PCDHA8: variants seen among roughly 807,000 people sequenced by gnomAD.
The protein encoded by PCDHA8 is protocadherin alpha-8.
PCDHA8 carries 53 observed loss-of-function variants against 61.8 expected under a neutral mutation model. The observed-to-expected ratio is 0.86, with a 90% CI of 0.69 to 1.08. The LOEUF (loss-of-function observed/expected upper bound fraction) is 1.08. Among genes scored for constraint, PCDHA8 ranks in the 50% least tolerant of loss-of-function variants. The pLI is 0.00. For missense variants in PCDHA8, 1,293 were observed against 1,245.0 expected (o/e 1.04, Z -0.58); for synonymous variants, 618 against 556.6 (o/e 1.11, Z -1.55).
In PCDHA8 at chr5:140,850,228, G is replaced by A. The variant is rs199589192; in HGVS notation, c.2394+6513G>A. 517 of 1,593,874 alleles carry A rather than the reference G, an allele frequency of 3.2e-4. 25 individuals are homozygous for A. In the South Asian group the frequency reaches 5.4e-3, roughly 17 times the overall value. On this transcript the variant is annotated intron_variant, in intron 1 of 3. Coordinates refer to ENST00000531613, the MANE Select transcript of PCDHA8 (RefSeq NM_018911.3). ...ATGAGGGGCACTGACGGCGCAGTGA[G>A]CGAGATGGTGCTGCGGTCGGTGGGC...
chr5:140,884,688 CTTA>C (rs782481361), intron 1 of PCDHA8: 8 of 1,535,868 alleles, frequency 5.2e-6, no homozygotes, highest in Non-Finnish European at 8.8e-7. Flanking sequence ...AAAAAATTGT[CTTA>C]GTAAACACTT....
intron 1 of PCDHA8, among the ~76,000 whole-genome samples, chr5:140,952,915 G>GGCATGA (rs2094816103): frequency 6.6e-6 from 1 of 151,986 alleles, no homozygotes; most frequent in African/African-American, 2.4e-5. Flanking sequence ...CATCTTACAT[G>GGCATGA]GCATGAGCAG....
chr5:140,882,717 C>G (rs1311295002), intron 1 of PCDHA8: 1 of 1,614,102 alleles, frequency 6.2e-7, no homozygotes, highest in South Asian at 1.1e-5. Flanking sequence ...CCTCCGGAAA[C>G]TCGATTTCCA....
At position 140,947,028 on chromosome 5, in the gene PCDHA8, T is replaced by C. The variant is rs111523441; in HGVS notation, c.2395-31921T>C. Among the ~76,000 whole-genome samples the C allele has an allele frequency of 4.6e-3, 693 of 151,852 alleles. 1 individual carries two copies. Among genetic ancestry groups the C allele is most frequent in the Middle Eastern group, 6.8e-3 (2 of 294 alleles). ...AATGATAAATGTTTGAGGTAATGGA[T>C]ATACTAATTACCCTGATTTGATCAT... On this transcript the variant is annotated intron_variant, in intron 1 of 3. Transcript: ENST00000531613.
In PCDHA8 at chr5:140,877,291, C is replaced by G. The variant is rs527823173; in HGVS notation, c.2394+33576C>G. On this transcript the variant is annotated intron_variant, in intron 1 of 3. Coordinates refer to ENST00000531613, the MANE Select transcript of PCDHA8 (RefSeq NM_018911.3). ...CGCTGACTCCGGCTATAACGCTTGG[C>G]TGTCCTACGAGTTGCAACCGGCGGC... 4 of 1,613,932 alleles carry G rather than the reference C, an allele frequency of 2.5e-6. No homozygotes were observed. In the African/African-American group the frequency reaches 4.0e-5, roughly 16 times the overall value.
At chr5:141,005,220 C>T (rs2098201724) in intron 3 of PCDHA8, among the ~76,000 whole-genome samples, 1 of 152,192 alleles carries the variant, frequency 6.6e-6, no homozygotes, top group Admixed American at 6.5e-5. Flanking sequence ...CAAGTATTTA[C>T]TAAACACCTG....
intron 1 of PCDHA8, among the ~76,000 whole-genome samples, chr5:140,923,387 G>T (rs564592920): frequency 6.6e-6 from 1 of 152,254 alleles, no homozygotes; most frequent in Admixed American, 6.5e-5. Context: ...AATTAGTTGG[G>T]CATGGTGGTG....
chr5:140,884,060 G>T (rs781956914), intron 1 of PCDHA8: 1 of 1,613,430 alleles, frequency 6.2e-7, no homozygotes, highest in African/African-American at 1.3e-5. Flanking sequence ...GCGCGCGGTG[G>T]ACGCCGATTC....
chr5:140,967,472 G>C (rs782183935), intron 1 of PCDHA8: 3 of 1,613,430 alleles, frequency 1.9e-6, no homozygotes, highest in Non-Finnish European at 2.5e-6. Flanking sequence ...GGGCATCCCA[G>C]CCCGCTCGGG....
intron 1 of PCDHA8, among the ~76,000 whole-genome samples, chr5:140,901,864 C>G (rs782513656): frequency 4.6e-4 from 70 of 152,126 alleles, no homozygotes; most frequent in Non-Finnish European, 5.7e-4. Flanking sequence ...TTTGTGTCCT[C>G]TTCAATTTCT....
chr5:140,869,243 G>A (rs1554162716), intron 1 of PCDHA8: 10 of 1,613,544 alleles, frequency 6.2e-6, no homozygotes, highest in African/African-American at 2.7e-5. Flanking sequence ...TTCGTGGGCC[G>A]CATCGCGCAG....
intron 1 of PCDHA8, chr5:140,876,225 G>C: frequency 1.2e-6 from 2 of 1,613,982 alleles, no homozygotes; most frequent in Non-Finnish European, 1.7e-6. Context: ...AAGTAGTGTT[G>C]TCTGAAAATG....
intron 1 of PCDHA8, chr5:140,929,129 C>T (rs1206531954): frequency 6.2e-7 from 1 of 1,614,052 alleles, no homozygotes; most frequent in South Asian, 1.1e-5. Context: ...GATGTCACTA[C>T]AGTTGAGAGA....
In PCDHA8 at chr5:140,857,236, G is replaced by C; in HGVS notation, c.2394+13521G>C. On this transcript the variant is annotated intron_variant, in intron 1 of 3. Transcript: ENST00000531613. ...TGACGCCTCACGTTCCGTTCAAGCTGGTGTCCACCTACAAGAATTACTACT... is the reference window on the plus strand; with the variant it reads ...TGACGCCTCACGTTCCGTTCAAGCTCGTGTCCACCTACAAGAATTACTACT... 6.9e-6 allele frequency: 11 copies of C among 1,598,556 alleles called. 1 individual carries two copies. Among genetic ancestry groups the C allele is most frequent in the Non-Finnish European group, 8.6e-6 (10 of 1,167,952 alleles).
intron 1 of PCDHA8, among the ~76,000 whole-genome samples, chr5:140,896,330 A>C (rs1435351695): frequency 1.3e-5 from 2 of 152,170 alleles, no homozygotes. Flanking sequence ...CAGTGGCTAA[A>C]CTAATTTATA....
intron 1 of PCDHA8, chr5:140,862,550 G>C: frequency 2.2e-6 from 1 of 458,462 alleles, no homozygotes. Flanking sequence ...GGAAGTGGCC[G>C]AACAGTGAAC....
chr5:140,861,489 T>A, intron 1 of PCDHA8: 1 of 487,812 alleles, frequency 2.0e-6, no homozygotes, highest in South Asian at 1.6e-5. Context: ...TTTTGTGAGT[T>A]CTCTGATAGA....
intron 1 of PCDHA8, among the ~76,000 whole-genome samples, chr5:140,914,309 C>A (rs1461023041): frequency 1.3e-5 from 2 of 152,082 alleles, no homozygotes; most frequent in Non-Finnish European, 2.9e-5. Flanking sequence ...TGAATTGACC[C>A]CATTATCATT....
At chr5:140,916,596 G>A (rs1482287916) in intron 1 of PCDHA8, among the ~76,000 whole-genome samples, 3 of 152,194 alleles carry the variant, frequency 2.0e-5, no homozygotes, top group Non-Finnish European at 4.4e-5. Context: ...GCTAGGGCCT[G>A]GAATGCGGGC....
Sources: gnomAD v4.1 joint callset for allele counts (sites outside exome capture counted in the v4.1 genomes callset) on GRCh38, gnomAD v4.1.1 for gene constraint, MANE v1.5 for transcripts, NCBI Gene and HGNC (gene_info 2026-07-23, HGNC 2026-07-21) for gene names.